Variants in SMARCA5 observed in about 807,000 individuals in gnomAD.
The protein encoded by SMARCA5 is SNF2 related chromatin remodeling ATPase 5.
Under a neutral mutation model 140.4 loss-of-function variants are expected in SMARCA5, and 18 were observed. The observed-to-expected ratio is 0.13, with a 90% CI of 0.09 to 0.19. The LOEUF (loss-of-function observed/expected upper bound fraction) is 0.19. SMARCA5 is among the 10% of genes least tolerant of loss of function. The pLI, the probability that SMARCA5 is intolerant of heterozygous loss-of-function variation, is 1.00. For missense variants in SMARCA5, 606 were observed against 1,276.8 expected (o/e 0.47, Z 8.01); for synonymous variants, 449 against 419.6 (o/e 1.07, Z -0.86).
chr4:143,516,343 G>A (rs1736831437), intron 1 of SMARCA5, among the ~76,000 whole-genome samples: 2 of 151,788 alleles, frequency 1.3e-5, no homozygotes, highest in Admixed American at 6.6e-5. Context: ...CCTTTTGGCA[G>A]TGTGGAACTC....
rs1433852708 is a variant in SMARCA5, at chr4:143,553,845, T to C, written c.*661T>C. The C allele has an allele frequency of 1.3e-5, 2 of 152,004 alleles. No homozygotes were observed. Among genetic ancestry groups the C allele is most frequent in the African/African-American group, 4.8e-5 (2 of 41,446 alleles). 9.4% of individuals were successfully genotyped at this position (152,004 alleles called of 1,614,324 possible). A position where few individuals can be genotyped will look rare whatever the true frequency, so the allele number is the denominator to read the frequency against. On this transcript the variant is annotated 3_prime_UTR_variant, in exon 24 of 24. Transcript: ENST00000283131. ...GCCAAAGACATTTAGTATTTTCCGGTTCCTTAAGGTATTACTGTACCATTT... is the reference window on the plus strand; with the variant it reads ...GCCAAAGACATTTAGTATTTTCCGGCTCCTTAAGGTATTACTGTACCATTT...
intron 8 of SMARCA5, among the ~76,000 whole-genome samples, chr4:143,529,196 A>G (rs1028040618): frequency 2.0e-5 from 3 of 152,146 alleles, no homozygotes; most frequent in African/African-American, 7.2e-5. Flanking sequence ...CAGCCTCCCA[A>G]AGTGCTGGGA....
chr4:143,538,485 A>G, intron 11 of SMARCA5, 105 bp from the exon 12 acceptor site: 2 of 886,962 alleles, frequency 2.3e-6, no homozygotes, highest in Non-Finnish European at 3.5e-6. Flanking sequence ...GTAACCAAGT[A>G]GGTAGCTTTG....
Position 143,554,966 on chromosome 4 carries a change from A to C in SMARCA5, c.*1782A>C. ...CTCACTTGAAAAAAAAGCATGAACC[A>C]GCTAGGCCCTGCCACCACTGTGTTT... On this transcript the variant is annotated 3_prime_UTR_variant, in exon 24 of 24. Transcript: ENST00000283131. 1 of 434,804 alleles carries C rather than the reference A, an allele frequency of 2.3e-6. No individual in the cohort carries two copies. Among genetic ancestry groups the C allele is most frequent in the Non-Finnish European group, 4.3e-6 (1 of 230,064 alleles). The allele number at this position is 434,804 out of a possible 1,614,324, so 26.9% of individuals were successfully genotyped here.
intron 14 of SMARCA5, 84 bp from the exon 15 acceptor site, chr4:143,543,425 C>A: frequency 2.8e-6 from 3 of 1,052,684 alleles, no homozygotes; most frequent in East Asian, 2.5e-5. Flanking sequence ...AATTATAAAG[C>A]ATTAAACCTT....
At chr4:143,520,216 C>T (rs546464390) in intron 2 of SMARCA5, among the ~76,000 whole-genome samples, 5 of 152,238 alleles carry the variant, frequency 3.3e-5, no homozygotes, top group Non-Finnish European at 7.4e-5. Flanking sequence ...CTTGTAGATG[C>T]GTGCTCTTGG....
intron 3 of SMARCA5, among the ~76,000 whole-genome samples, chr4:143,521,892 A>AC (rs1294070828): frequency 1.5e-5 from 2 of 132,118 alleles, no homozygotes; most frequent in Non-Finnish European, 3.3e-5. Flanking sequence ...TCCCATCTCT[A>AC]CAAAAAAAAA....
In SMARCA5 at chr4:143,522,729, A is replaced by G. The variant is rs72938225; in HGVS notation, c.419+1134A>G. Among the ~76,000 whole-genome samples the G allele has an allele frequency of 5.3e-3, 801 of 152,316 alleles. 8 individuals are homozygous for G. The highest frequency in any genetic ancestry group is 0.018 in the African/African-American group (767 of 41,578). ...GTGTCATGGCATGAAACTGGAAACT[A>G]CTGTACTGAATATTGTTATGGGATA... On this transcript the variant is annotated intron_variant, in intron 3 of 23. Coordinates refer to ENST00000283131, the MANE Select transcript of SMARCA5 (RefSeq NM_003601.4).
At chr4:143,524,089 A>T (rs1332983461) in intron 3 of SMARCA5, among the ~76,000 whole-genome samples, 3 of 152,134 alleles carry the variant, frequency 2.0e-5, no homozygotes, top group African/African-American at 7.2e-5. Flanking sequence ...AGATTTTCTG[A>T]CTACATAGTT....
chr4:143,530,395 GTAT>G, intron 8 of SMARCA5, 60 bp from the exon 9 acceptor site: 1 of 996,330 alleles, frequency 1.0e-6, no homozygotes, highest in South Asian at 1.5e-5. Flanking sequence ...TCTATATCTG[GTAT>G]TATAGGGTAT....
intron 2 of SMARCA5, among the ~76,000 whole-genome samples, chr4:143,519,565 C>T (rs541603650): frequency 1.3e-5 from 2 of 152,124 alleles, no homozygotes; most frequent in African/African-American, 4.8e-5. Context: ...TTCGTTTCTT[C>T]CAGGTTTTTC....
chr4:143,525,786 CT>C (rs1418670573), intron 5 of SMARCA5, among the ~76,000 whole-genome samples: 2 of 152,072 alleles, frequency 1.3e-5, no homozygotes, highest in African/African-American at 4.8e-5. Flanking sequence ...TTTTGGATGA[CT>C]TTTATAGTAC....
chr4:143,524,237 C>G, intron 3 of SMARCA5, 130 bp from the exon 4 acceptor site: 1 of 551,920 alleles, frequency 1.8e-6, no homozygotes. Flanking sequence ...TTTCTACTGT[C>G]CACTGGTTGA....
chr4:143,551,483 C>T (rs577159100), intron 23 of SMARCA5, among the ~76,000 whole-genome samples: 2 of 152,024 alleles, frequency 1.3e-5, no homozygotes, highest in Non-Finnish European at 2.9e-5. Context: ...TTGCCCAGTC[C>T]AGTGTTCTGG....
At chr4:143,527,837 C>T (rs770414328) in intron 6 of SMARCA5, 31 bp from the exon 7 acceptor site, 33 of 1,566,656 alleles carry the variant, frequency 2.1e-5, no homozygotes, top group Middle Eastern at 1.7e-4. Context: ...TTTATTTCTA[C>T]GTGATGTAAT....
At chr4:143,533,178 T>C (rs1354666298) in intron 9 of SMARCA5, among the ~76,000 whole-genome samples, 1 of 152,190 alleles carries the variant, frequency 6.6e-6, no homozygotes, top group Non-Finnish European at 1.5e-5. Flanking sequence ...AAACCAGATA[T>C]AAATGGGTGC....
At chr4:143,534,363 A>G (rs1246091947) in intron 9 of SMARCA5, among the ~76,000 whole-genome samples, 3 of 152,136 alleles carry the variant, frequency 2.0e-5, no homozygotes, top group Non-Finnish European at 4.4e-5. Context: ...TTAGCCCTTC[A>G]TATCCATAGG....
At position 143,553,843 on chromosome 4, in the gene SMARCA5, G is replaced by A. The variant is rs1169918732; in HGVS notation, c.*659G>A. ...TAGCCAAAGACATTTAGTATTTTCC[G>A]GTTCCTTAAGGTATTACTGTACCAT... On this transcript the variant is annotated 3_prime_UTR_variant, in exon 24 of 24. Coordinates refer to ENST00000283131, the MANE Select transcript of SMARCA5 (RefSeq NM_003601.4). 12 of 151,410 alleles carry A rather than the reference G, an allele frequency of 7.9e-5. No homozygotes were observed. The highest frequency in any genetic ancestry group is 7.2e-4 in the Admixed American group (11 of 15,204). 9.4% of individuals were successfully genotyped at this position (151,410 alleles called of 1,614,324 possible). A position where few individuals can be genotyped will look rare whatever the true frequency, so the allele number is the denominator to read the frequency against.
intron 1 of SMARCA5, among the ~76,000 whole-genome samples, chr4:143,516,920 C>T (rs192779510): frequency 5.9e-5 from 9 of 152,254 alleles, no homozygotes; most frequent in Admixed American, 5.2e-4. Context: ...AGGTGGAAAT[C>T]AGGGTGACTA....
Sources: gnomAD v4.1 joint callset for allele counts (sites outside exome capture counted in the v4.1 genomes callset) on GRCh38, gnomAD v4.1.1 for gene constraint, MANE v1.5 for transcripts, NCBI Gene and HGNC (gene_info 2026-07-23, HGNC 2026-07-21) for gene names.